Variants in GOLGA6L10 observed in about 807,000 individuals in gnomAD.
The protein encoded by GOLGA6L10 is golgin A6 family like 10.
GOLGA6L10 carries 4 observed loss-of-function variants against 56.9 expected under a neutral mutation model. The observed-to-expected ratio is 0.07, with a 90% confidence interval of 0.03 to 0.16. The LOEUF is 0.16. Among genes scored for constraint, GOLGA6L10 ranks in the 10% least tolerant of loss-of-function variants. GOLGA6L10 has a pLI of 1.00. For synonymous variants in GOLGA6L10, 11 were observed against 220.9 expected, an observed-to-expected ratio of 0.05 and a Z score of 8.43; for missense variants, 34 against 558.3, an observed-to-expected ratio of 0.06 and a Z score of 9.46.
intron 1 of GOLGA6L10, among the ~76,000 whole-genome samples, chr15:82,347,873 G>T (rs1400121390): frequency 2.1e-4 from 32 of 152,268 alleles, no homozygotes; most frequent in Non-Finnish European, 3.7e-4. Context: ...ACGCTCTGGG[G>T]TTTTGCCATG....
chr15:82,347,567 T>C lies in GOLGA6L10; in HGVS notation c.147A>G (p.Lys49=), dbSNP rs2075694616. Residue 49 remains lysine, a synonymous_variant, in exon 2 of 9, where the codon AAA becomes AAG. Coordinates refer to ENST00000610657, the MANE Select transcript of GOLGA6L10 (RefSeq NM_001164465.3). ...GIPAGANRKK[K]VNGSSPDTAT... ...CTGTGTCAGGGCTACTGCCATTGACTTTCTTTTTCCTGTTAGCTCCTGCTG... is the reference window on the plus strand; with the variant it reads ...CTGTGTCAGGGCTACTGCCATTGACCTTCTTTTTCCTGTTAGCTCCTGCTG... 6.2e-7 allele frequency: 1 copy of C among 1,610,762 alleles called. No homozygotes were observed. Among genetic ancestry groups the C allele is most frequent in the Non-Finnish European group, 8.5e-7 (1 of 1,179,974 alleles).
At position 82,342,318 on chromosome 15, in the gene GOLGA6L10, GA is replaced by G. The variant is rs1446624061; in HGVS notation, c.*457del. On this transcript the variant is annotated 3_prime_UTR_variant, in exon 9 of 9. Transcript: ENST00000610657. ...AGCAGAACATAAGGAAATTTTATCT[GA>G]ATTCCGTAATGAATATACAGGCTGT... 1 of 213,248 alleles carries G rather than the reference GA, an allele frequency of 4.7e-6. No homozygotes were observed. The highest frequency in any genetic ancestry group is 5.3e-5 in the Admixed American group (1 of 18,786). 13.2% of individuals were successfully genotyped at this position (213,248 alleles called of 1,614,324 possible). A position where few individuals can be genotyped will look rare whatever the true frequency, so the allele number is the denominator to read the frequency against.
rs2075632974 is a variant in GOLGA6L10 at position 82,340,001 on chromosome 15, C to G, written c.*2775G>C. The stretch of plus-strand genomic sequence containing the variant: ...TTTCAAGACACACAAAATTTTTAGG[C>G]AAAACAGCACCTTGAAACAATCTAA... On this transcript the variant is annotated 3_prime_UTR_variant, in exon 9 of 9. Coordinates refer to ENST00000610657, the MANE Select transcript of GOLGA6L10 (RefSeq NM_001164465.3). 6.6e-6 allele frequency: 1 copy of G among 150,646 alleles called. No individual in the cohort carries two copies. The allele number at this position is 150,646 out of a possible 1,614,324, so 9.3% of individuals were successfully genotyped here. A position where few individuals can be genotyped will look rare whatever the true frequency, so the allele number is the denominator to read the frequency against.
intron 7 of GOLGA6L10, among the ~76,000 whole-genome samples, chr15:82,343,794 GC>G (rs1204996385): frequency 1.3e-5 from 2 of 151,566 alleles, no homozygotes; most frequent in African/African-American, 4.9e-5. Flanking sequence ...CTCCTGAGTA[GC>G]TGGGATTACA....
Position 82,340,034 on chromosome 15 carries a change from T to C in GOLGA6L10, c.*2742A>G, listed in dbSNP as rs2075634151. ...CACCTTGAAACAATCTAATAATTTA[T>C]TACATTACAGTAGCATCACAGAAGC... On this transcript the variant is annotated 3_prime_UTR_variant, in exon 9 of 9. Transcript: ENST00000610657. 1 of 151,426 alleles carries C rather than the reference T, an allele frequency of 6.6e-6. No individual in the cohort carries two copies. Among genetic ancestry groups the C allele is most frequent in the Non-Finnish European group, 1.5e-5 (1 of 67,622 alleles). The allele number at this position is 151,426 out of a possible 1,614,324, so 9.4% of individuals were successfully genotyped here.
At position 82,347,978 on chromosome 15, in the gene GOLGA6L10, C is replaced by T. The variant is rs1217585341; in HGVS notation, c.85-349G>A. Among the ~76,000 whole-genome samples the T allele has an allele frequency of 9.2e-5, 14 of 152,272 alleles. No homozygotes were observed. The East Asian group carries it at 2.1e-3, about 23-fold the overall frequency. ...GTAGGCCGTGTGGTTTAGAGTCATA[C>T]ATCCTCACAGGTCTGCTAGCGTGAA... On this transcript the variant is annotated intron_variant, in intron 1 of 8. Coordinates refer to ENST00000610657, the MANE Select transcript of GOLGA6L10 (RefSeq NM_001164465.3).
In GOLGA6L10 at chr15:82,344,905, TCTC is replaced by T. The variant is rs1457217584; in HGVS notation, c.952_954del (p.Glu318del). On this transcript the variant is annotated inframe_deletion, in exon 6 of 9. Coordinates refer to ENST00000610657, the MANE Select transcript of GOLGA6L10 (RefSeq NM_001164465.3). ...GGCAGCTTCTCCTGTTCACACAGCCTCTCCTCCTGTTCACATAGCCTCTCCTCC... is the reference window on the plus strand; with the variant it reads ...GGCAGCTTCTCCTGTTCACACAGCCTCTCCTGTTCACATAGCCTCTCCTCC... 9.2e-6 allele frequency: 14 copies of T among 1,519,456 alleles called. No homozygotes were observed. In the South Asian group the frequency reaches 1.7e-4, roughly 19 times the overall value. The allele number at this position is 1,519,456 out of a possible 1,614,324, so 94.1% of individuals were successfully genotyped here.
chr15:82,345,316 C>T lies in GOLGA6L10; in HGVS notation c.544G>A (p.Ala182Thr). ...AACATCTGATTGTTTTCCACCTCAG[C>T]CTGGAGCTGTCTTCCCACACTCTCT... ...ELESVGRQLQAEVENNQMLSL... is the reference protein window; with the variant it reads ...ELESVGRQLQTEVENNQMLSL... Residue 182 changes from alanine (A) to threonine (T), a missense_variant, in exon 6 of 9, where the codon GCT becomes ACT. By Grantham distance (58) the Ala-to-Thr change is moderately conservative. Transcript: ENST00000610657. 2 of 1,589,970 alleles carry T rather than the reference C, an allele frequency of 1.3e-6. No individual in the cohort carries two copies. Among genetic ancestry groups the T allele is most frequent in the East Asian group, 2.2e-5 (1 of 44,594 alleles).
intron 7 of GOLGA6L10, among the ~76,000 whole-genome samples, chr15:82,344,053 A>C (rs2075659120): frequency 6.6e-6 from 1 of 150,462 alleles, no homozygotes; most frequent in Non-Finnish European, 1.5e-5. Flanking sequence ...GATGATGTCC[A>C]GACCTGGGAG....
chr15:82,347,903 C>T (rs1425402726), intron 1 of GOLGA6L10, among the ~76,000 whole-genome samples: 185 of 151,892 alleles, frequency 1.2e-3, no homozygotes, highest in African/African-American at 4.4e-3. Context: ...CTTCCAGGGA[C>T]CAAAACCAGG....
Position 82,346,897 on chromosome 15 carries a change from T to G in GOLGA6L10, c.205-11A>C. 1.3e-6 allele frequency: 2 copies of G among 1,536,716 alleles called. No homozygotes were observed. Among genetic ancestry groups the G allele is most frequent in the South Asian group, 2.3e-5 (2 of 85,500 alleles). ...GATACCTGTTGCTGACTGCAAGAGATGAGAGTGCACATGGAGATGTTCTGT... is the reference window on the plus strand; with the variant it reads ...GATACCTGTTGCTGACTGCAAGAGAGGAGAGTGCACATGGAGATGTTCTGT... On this transcript the variant is annotated splice_polypyrimidine_tract_variant and intron_variant, in intron 2 of 8. Coordinates refer to ENST00000610657, the MANE Select transcript of GOLGA6L10 (RefSeq NM_001164465.3).
rs2141421948 is a variant in GOLGA6L10, at chr15:82,340,443, A to G, written c.*2333T>C. 1 of 151,556 alleles carries G rather than the reference A, an allele frequency of 6.6e-6. No individual in the cohort carries two copies. Among genetic ancestry groups the G allele is most frequent in the African/African-American group, 2.4e-5 (1 of 41,480 alleles). The allele number at this position is 151,556 out of a possible 1,614,324, so 9.4% of individuals were successfully genotyped here. On this transcript the variant is annotated 3_prime_UTR_variant, in exon 9 of 9. Transcript: ENST00000610657. Reference sequence around the variant, plus strand: ...CAGGAAAACCTATCAGGTTTAATCTATTACTTTAAAAATAATTATCATATA... The same window carrying G: ...CAGGAAAACCTATCAGGTTTAATCTGTTACTTTAAAAATAATTATCATATA...
rs1359988648 is a variant in GOLGA6L10 at position 82,342,056 on chromosome 15, A to G, written c.*720T>C. On this transcript the variant is annotated 3_prime_UTR_variant, in exon 9 of 9. Transcript: ENST00000610657. ...ATATTCTATCCTGCACACACCTGCCAAAGCAGGCCACTTTCCTCTTCTGGG... is the reference window on the plus strand; with the variant it reads ...ATATTCTATCCTGCACACACCTGCCGAAGCAGGCCACTTTCCTCTTCTGGG... 1.4e-5 allele frequency: 2 copies of G among 142,706 alleles called. No homozygotes were observed. Among genetic ancestry groups the G allele is most frequent in the Non-Finnish European group, 3.0e-5 (2 of 67,526 alleles). 8.8% of individuals were successfully genotyped at this position (142,706 alleles called of 1,614,324 possible). A position where few individuals can be genotyped will look rare whatever the true frequency, so the allele number is the denominator to read the frequency against.
Position 82,344,932 on chromosome 15 carries a change from CCTGTT to C in GOLGA6L10, c.923_927del (p.Glu308GlyfsTer6). On this transcript the variant is annotated frameshift_variant, in exon 6 of 9. Transcript: ENST00000610657. LOFTEE classifies it high-confidence loss of function. ...TCCTCCTGTTCACATAGCCTCTCCT[CCTGTT>C]CACATAGCCTCTCCTCCTGTTCACG... is the stretch of plus-strand genomic sequence containing the variant. The C allele has an allele frequency of 1.7e-6, 2 of 1,182,278 alleles. No homozygotes were observed. The highest frequency in any genetic ancestry group is 2.2e-6 in the Non-Finnish European group (2 of 910,034). The allele number at this position is 1,182,278 out of a possible 1,614,324, so 73.2% of individuals were successfully genotyped here.
intron 1 of GOLGA6L10, among the ~76,000 whole-genome samples, 180 bp from the exon 2 acceptor site, chr15:82,347,809 AAAAG>A (rs1332987841): frequency 5.9e-5 from 9 of 152,196 alleles, no homozygotes; most frequent in Admixed American, 2.0e-4. Context: ...GAAAAAAAAA[AAAAG>A]AAAGATCAAA....
chr15:82,340,252 G>T lies in GOLGA6L10; in HGVS notation c.*2524C>A, dbSNP rs2075635345. ...AGCTACAGTATTCGTATTTTAAAATGTTTTAAATTATTTTAAGACATTAAT... is the reference window on the plus strand; with the variant it reads ...AGCTACAGTATTCGTATTTTAAAATTTTTTAAATTATTTTAAGACATTAAT... On this transcript the variant is annotated 3_prime_UTR_variant, in exon 9 of 9. Transcript: ENST00000610657. The T allele has an allele frequency of 6.6e-6, 1 of 151,344 alleles. No homozygotes were observed. Among genetic ancestry groups the T allele is most frequent in the African/African-American group, 2.4e-5 (1 of 41,310 alleles). The allele number at this position is 151,344 out of a possible 1,614,324, so 9.4% of individuals were successfully genotyped here.
intron 1 of GOLGA6L10, among the ~76,000 whole-genome samples, chr15:82,347,865 G>A (rs1232763252): frequency 3.9e-5 from 6 of 152,238 alleles, no homozygotes; most frequent in Non-Finnish European, 7.3e-5. Flanking sequence ...CTGACTCCAC[G>A]CTCTGGGGTT....
Position 82,342,681 on chromosome 15 carries a change from A to G in GOLGA6L10, c.*95T>C. 1 of 1,565,698 alleles carries G rather than the reference A, an allele frequency of 6.4e-7. No homozygotes were observed. The highest frequency in any genetic ancestry group is 1.2e-5 in the South Asian group (1 of 86,826). On this transcript the variant is annotated 3_prime_UTR_variant, in exon 9 of 9. Transcript: ENST00000610657. ...TAAATTAGAAACACAAATAAACATA[A>G]GTGGCTCTAACATTCAAATGAAGTA...
intron 2 of GOLGA6L10, 27 bp from the exon 3 acceptor site, chr15:82,346,913 G>A: frequency 1.7e-6 from 2 of 1,211,690 alleles, no homozygotes; most frequent in Non-Finnish European, 2.1e-6. Context: ...TGCACATGGA[G>A]ATGTTCTGTC....
Sources: gnomAD v4.1 joint callset for allele counts (sites outside exome capture counted in the v4.1 genomes callset) on GRCh38, gnomAD v4.1.1 for gene constraint, MANE v1.5 for transcripts, NCBI Gene and HGNC (gene_info 2026-07-23, HGNC 2026-07-21) for gene names.